PIAS1: variants seen among roughly 807,000 people sequenced by gnomAD.
PIAS1 encodes protein inhibitor of activated STAT 1, also known as E3 SUMO-protein ligase PIAS1.
A neutral mutation model predicts 71.3 loss-of-function variants in PIAS1; 6 were observed. The observed-to-expected ratio is 0.08, with a 90% CI of 0.05 to 0.17. PIAS1 has a LOEUF of 0.17. PIAS1 is among the 10% of genes least tolerant of loss of function. The pLI is 1.00. For missense variants in PIAS1, 555 were observed against 793.6 expected (o/e 0.70, Z 3.61); for synonymous variants, 303 against 292.9 (o/e 1.03, Z -0.35).
chr15:68,146,308 T>C (rs1282219460), intron 5 of PIAS1, among the ~76,000 whole-genome samples: 1 of 152,212 alleles, frequency 6.6e-6, no homozygotes, highest in African/African-American at 2.4e-5. Context: ...AAGCTTGTTA[T>C]GAATTCATCC....
At position 68,188,509 on chromosome 15, in the gene PIAS1, TGCTTGCTTCTTTCAAAGTGCTTTG is replaced by T. The variant is rs1191407458; in HGVS notation, c.*675_*698del. ...TGTGCATTCAGTTAATATAATCAGT[TGCTTGCTTCTTTCAAAGTGCTTTG>T]AAGGTCTTGAACTCACGTGTGAGCA... On this transcript the variant is annotated 3_prime_UTR_variant, in exon 14 of 14. Transcript: ENST00000249636. 6.6e-6 allele frequency: 1 copy of T among 152,276 alleles called. No individual in the cohort carries two copies. Among genetic ancestry groups the T allele is most frequent in the African/African-American group, 2.4e-5 (1 of 41,458 alleles). 9.4% of individuals were successfully genotyped at this position (152,276 alleles called of 1,614,324 possible).
intron 8 of PIAS1, among the ~76,000 whole-genome samples, chr15:68,169,111 T>C (rs2092974836): frequency 6.6e-6 from 1 of 152,246 alleles, no homozygotes; most frequent in Admixed American, 6.5e-5. Context: ...GTACTATTAC[T>C]GTATTTCTCT....
chr15:68,090,017 C>CT (rs1158797017), intron 2 of PIAS1, among the ~76,000 whole-genome samples: 1 of 150,932 alleles, frequency 6.6e-6, no homozygotes, highest in Non-Finnish European at 1.5e-5. Flanking sequence ...GTAGCTCAGA[C>CT]TACAGACACG....
intron 1 of PIAS1, among the ~76,000 whole-genome samples, chr15:68,073,760 A>C (rs1567028621): frequency 6.6e-6 from 1 of 152,220 alleles, no homozygotes. Flanking sequence ...CTCTGAGTGC[A>C]GTAGGTGATC....
chr15:68,092,317 A>G (rs2092338786), intron 2 of PIAS1, among the ~76,000 whole-genome samples: 1 of 152,048 alleles, frequency 6.6e-6, no homozygotes, highest in Non-Finnish European at 1.5e-5. Context: ...GACGACAGGC[A>G]GGAGCAACCA....
chr15:68,110,087 C>A (rs748695705), intron 2 of PIAS1, among the ~76,000 whole-genome samples: 1 of 152,036 alleles, frequency 6.6e-6, no homozygotes, highest in Non-Finnish European at 1.5e-5. Context: ...AACATGAAAC[C>A]GTTTTTCCTC....
In PIAS1 at chr15:68,188,045, G is replaced by T; in HGVS notation, c.*210G>T. The stretch of plus-strand genomic sequence containing the variant: ...TTTGTATATAAATCTAAGACTGCCT[G>T]TGTGATAAAACACTTGTTTAAAAAA... On this transcript the variant is annotated 3_prime_UTR_variant, in exon 14 of 14. Transcript: ENST00000249636. 5.5e-6 allele frequency: 2 copies of T among 362,538 alleles called. No homozygotes were observed. Among genetic ancestry groups the T allele is most frequent in the Non-Finnish European group, 9.8e-6 (2 of 203,700 alleles). 22.5% of individuals were successfully genotyped at this position (362,538 alleles called of 1,614,324 possible). A position where few individuals can be genotyped will look rare whatever the true frequency, so the allele number is the denominator to read the frequency against.
rs71725124 is a variant in PIAS1, at chr15:68,167,191, TTGTGTGTG to T, written c.1008+2403_1008+2410del. On this transcript the variant is annotated intron_variant, in intron 8 of 13. Transcript: ENST00000249636. This position sits in a 1 kb window ranked among gnomAD's most constrained non-coding sequence, Gnocchi z 4.4. ...AAAACAAAACAACTATATATGTATA[TTGTGTGTG>T]TGTGTGTGTGTGTGTATGTGTAAAA... is the stretch of plus-strand genomic sequence containing the variant. Among the ~76,000 whole-genome samples the T allele has an allele frequency of 2.7e-5, 4 of 149,578 alleles. No individual in the cohort carries two copies. The highest frequency in any genetic ancestry group is 2.0e-4 in the East Asian group (1 of 5,106).
chr15:68,170,923 G>A (rs2141086386), intron 8 of PIAS1, among the ~76,000 whole-genome samples: 1 of 152,210 alleles, frequency 6.6e-6, no homozygotes, highest in Non-Finnish European at 1.5e-5. Flanking sequence ...TTACTGGTGT[G>A]AGCCACCACA....
chr15:68,097,810 A>T (rs1160846036), intron 2 of PIAS1, among the ~76,000 whole-genome samples: 2 of 152,182 alleles, frequency 1.3e-5, no homozygotes, highest in African/African-American at 4.8e-5. Context: ...TTCTATTAAT[A>T]TGGTGTCTAA....
intron 2 of PIAS1, among the ~76,000 whole-genome samples, chr15:68,087,566 A>G (rs1595713531): frequency 1.3e-5 from 2 of 152,304 alleles, no homozygotes; most frequent in East Asian, 3.9e-4. Flanking sequence ...GTTCTGAGCT[A>G]AGAAATCTGA....
intron 2 of PIAS1, among the ~76,000 whole-genome samples, chr15:68,116,177 T>C (rs1312438350): frequency 6.6e-6 from 1 of 152,112 alleles, no homozygotes; most frequent in Non-Finnish European, 1.5e-5. Flanking sequence ...GGGTTGGTAT[T>C]ATTTTTTTCT....
At chr15:68,166,681 A>G (rs2092959547) in intron 8 of PIAS1, among the ~76,000 whole-genome samples, 1 of 152,188 alleles carries the variant, frequency 6.6e-6, no homozygotes, top group Non-Finnish European at 1.5e-5. Flanking sequence ...TGTTTAACAC[A>G]TATATGAAGC....
rs1325118938 is a variant in PIAS1 at position 68,167,855 on chromosome 15, G to A, written c.1008+3051G>A. On this transcript the variant is annotated intron_variant, in intron 8 of 13. Coordinates refer to ENST00000249636, the MANE Select transcript of PIAS1 (RefSeq NM_016166.3). This position sits in a 1 kb window ranked among gnomAD's most constrained non-coding sequence, Gnocchi z 4.4. The stretch of plus-strand genomic sequence containing the variant: ...CAAGTAGCTAGAACTACAGGTGCAC[G>A]CCACCACGCCTGGCTAATTTTTTGT... Among the ~76,000 whole-genome samples the A allele has an allele frequency of 2.6e-5, 4 of 151,854 alleles. No individual in the cohort carries two copies. The highest frequency in any genetic ancestry group is 5.9e-5 in the Non-Finnish European group (4 of 67,966).
At chr15:68,099,514 T>G (rs2092405592) in intron 2 of PIAS1, among the ~76,000 whole-genome samples, 2 of 152,024 alleles carry the variant, frequency 1.3e-5, no homozygotes, top group African/African-American at 4.8e-5. Context: ...TTCGAATTAT[T>G]TAAGAGCATT....
At chr15:68,064,461 T>C (rs1245306111) in intron 1 of PIAS1, among the ~76,000 whole-genome samples, 1 of 152,216 alleles carries the variant, frequency 6.6e-6, no homozygotes, top group African/African-American at 2.4e-5. Flanking sequence ...AAATAACCAA[T>C]GCATGATATT....
chr15:68,166,004 T>A (rs1259514707), intron 8 of PIAS1, among the ~76,000 whole-genome samples: 2 of 152,132 alleles, frequency 1.3e-5, no homozygotes, highest in African/African-American at 4.8e-5. Context: ...AAATAGAAAT[T>A]AAATGTTATT....
intron 2 of PIAS1, among the ~76,000 whole-genome samples, chr15:68,102,977 G>T (rs2092440218): frequency 6.6e-6 from 1 of 151,906 alleles, no homozygotes; most frequent in Admixed American, 6.6e-5. Context: ...GCCCAGGCTG[G>T]AGTATAGTAG....
At chr15:68,150,508 C>T (rs1284474939) in intron 6 of PIAS1, among the ~76,000 whole-genome samples, 1 of 152,138 alleles carries the variant, frequency 6.6e-6, no homozygotes, top group Non-Finnish European at 1.5e-5. Context: ...GAATATCTTA[C>T]TATTTTGCAG....
Sources: gnomAD v4.1 joint callset for allele counts (sites outside exome capture counted in the v4.1 genomes callset) on GRCh38, gnomAD v4.1.1 for gene constraint, Gnocchi (gnomAD v3.1) non-coding constraint, MANE v1.5 for transcripts, NCBI Gene and HGNC (gene_info 2026-07-23, HGNC 2026-07-21) for gene names.